Variants in GBE1 observed in about 807,000 individuals in gnomAD.
The protein encoded by GBE1 is 1,4-alpha-glucan branching enzyme 1.
Under a neutral mutation model 88.8 loss-of-function variants are expected in GBE1, and 70 were observed. The ratio of observed to expected loss-of-function variants is 0.79; its 90% confidence interval spans 0.65 to 0.96. The LOEUF is 0.96. Among genes scored for constraint, GBE1 ranks in the 40% least tolerant of loss-of-function variants. The pLI is 0.00. For synonymous variants in GBE1, 284 were observed against 300.1 expected (o/e 0.95, Z 0.56); for missense variants, 872 against 871.0 (o/e 1.00, Z -0.01).
intron 2 of GBE1, among the ~76,000 whole-genome samples, chr3:81,687,424 T>C (rs1576199921): frequency 6.6e-6 from 1 of 152,200 alleles, no homozygotes; most frequent in African/African-American, 2.4e-5. Flanking sequence ...TATATAGAGA[T>C]ATTTTTAAGA....
chr3:81,706,249 A>C (rs945205639), intron 1 of GBE1, among the ~76,000 whole-genome samples: 3 of 152,150 alleles, frequency 2.0e-5, no homozygotes, highest in Non-Finnish European at 2.9e-5. Context: ...TCCCTAAAGC[A>C]ACTAAGCATG....
chr3:81,693,010 CT>C (rs891816133), intron 2 of GBE1, among the ~76,000 whole-genome samples: 1 of 152,132 alleles, frequency 6.6e-6, no homozygotes, highest in African/African-American at 2.4e-5. Flanking sequence ...AAATGATGCA[CT>C]TTTTCATTTA....
At chr3:81,545,113 C>T (rs751250104) in intron 12 of GBE1, among the ~76,000 whole-genome samples, 13 of 152,124 alleles carry the variant, frequency 8.5e-5, no homozygotes, top group Non-Finnish European at 1.2e-4. Flanking sequence ...AAAATATCTA[C>T]ATTAAAATGA....
At chr3:81,746,875 G>A (rs963146806) in intron 1 of GBE1, among the ~76,000 whole-genome samples, 2 of 152,146 alleles carry the variant, frequency 1.3e-5, no homozygotes, top group East Asian at 3.9e-4. Context: ...AAAACTGACA[G>A]TTTGTTTCCA....
intron 2 of GBE1, among the ~76,000 whole-genome samples, chr3:81,685,935 G>C (rs1705431144): frequency 6.6e-6 from 1 of 152,104 alleles, no homozygotes; most frequent in African/African-American, 2.4e-5. Flanking sequence ...AAATGTGTCT[G>C]AAATACTCTG....
intron 1 of GBE1, among the ~76,000 whole-genome samples, chr3:81,735,541 C>A (rs149608313): frequency 2.6e-5 from 4 of 152,160 alleles, no homozygotes; most frequent in African/African-American, 4.8e-5. Context: ...CATGGCGATG[C>A]GGATGCAGCT....
intron 7 of GBE1, among the ~76,000 whole-genome samples, chr3:81,594,369 G>A (rs962308257): frequency 2.0e-5 from 3 of 151,814 alleles, no homozygotes; most frequent in South Asian, 2.1e-4. Flanking sequence ...AGTAGTGCTC[G>A]AAAAAAGCAA....
chr3:81,649,505 T>C (rs1054152943), intron 4 of GBE1, among the ~76,000 whole-genome samples: 3 of 138,882 alleles, frequency 2.2e-5, no homozygotes, highest in African/African-American at 5.2e-5. Context: ...AATCAGAAAT[T>C]GTAGTTTAAA....
chr3:81,553,402 A>G (rs1703302149), intron 12 of GBE1, among the ~76,000 whole-genome samples: 1 of 151,648 alleles, frequency 6.6e-6, no homozygotes, highest in Admixed American at 6.6e-5. Flanking sequence ...GTGTGGTTAT[A>G]TTGTTTTTGC....
chr3:81,660,623 T>C (rs1038714841), intron 3 of GBE1, among the ~76,000 whole-genome samples: 31 of 152,208 alleles, frequency 2.0e-4, no homozygotes, highest in African/African-American at 7.2e-4. Context: ...CATGAGAACA[T>C]ATAATTTTCA....
intron 1 of GBE1, among the ~76,000 whole-genome samples, chr3:81,737,083 G>C (rs1394537968): frequency 6.6e-6 from 1 of 151,408 alleles, no homozygotes; most frequent in Non-Finnish European, 1.5e-5. Flanking sequence ...ATGATGGATT[G>C]GTTGGACAGG....
intron 7 of GBE1, among the ~76,000 whole-genome samples, chr3:81,622,684 C>T (rs1255959757): frequency 6.6e-6 from 1 of 152,174 alleles, no homozygotes; most frequent in African/African-American, 2.4e-5. Flanking sequence ...TCCCCCAAGT[C>T]CTTCTCCTCC....
chr3:81,535,017 T>TATAA (rs922058515), intron 14 of GBE1, 178 bp downstream of exon 14: 11 of 598,690 alleles, frequency 1.8e-5, no homozygotes, highest in Non-Finnish European at 3.1e-5. Flanking sequence ...AATAATTCAG[T>TATAA]ATAACTGAGT....
intron 14 of GBE1, among the ~76,000 whole-genome samples, chr3:81,532,947 G>A (rs1703028996): frequency 6.6e-6 from 1 of 151,864 alleles, no homozygotes; most frequent in Non-Finnish European, 1.5e-5. Flanking sequence ...CTCCTCCCCT[G>A]CCACTTATTT....
intron 7 of GBE1, among the ~76,000 whole-genome samples, chr3:81,628,677 T>C (rs1283196258): frequency 2.0e-5 from 3 of 147,676 alleles, no homozygotes; most frequent in South Asian, 2.1e-4. Context: ...CATATATTTA[T>C]ATATTCTACC....
At chr3:81,613,727 T>A (rs1162506881) in intron 7 of GBE1, among the ~76,000 whole-genome samples, 2 of 152,194 alleles carry the variant, frequency 1.3e-5, no homozygotes, top group African/African-American at 2.4e-5. Flanking sequence ...CCTCCCCTAA[T>A]GATGGCTTGG....
chr3:81,567,018 C>T (rs1352177509), intron 12 of GBE1, among the ~76,000 whole-genome samples: 1 of 152,160 alleles, frequency 6.6e-6, no homozygotes, highest in African/African-American at 2.4e-5. Context: ...TTATCTGCTG[C>T]CTTTATTAGA....
intron 3 of GBE1, among the ~76,000 whole-genome samples, chr3:81,663,489 G>A (rs1311882025): frequency 6.6e-6 from 1 of 152,078 alleles, no homozygotes; most frequent in Non-Finnish European, 1.5e-5. Context: ...AACTCCAGGG[G>A]AAAACCACCT....
intron 1 of GBE1, chr3:81,743,603 T>C (rs1706381511): frequency 1.3e-6 from 2 of 1,534,698 alleles, no homozygotes; most frequent in African/African-American, 1.4e-5. Flanking sequence ...AAACAGCTGT[T>C]AATCTGGGCC....
Sources: allele counts gnomAD v4.1 joint callset (sites outside exome capture counted in the v4.1 genomes callset), GRCh38; gene constraint gnomAD v4.1.1; transcripts MANE v1.5; gene names NCBI Gene and HGNC (gene_info 2026-07-23, HGNC 2026-07-21).